The following NDUFAF5 variants were observed in gnomAD, a reference collection of about 807,000 sequenced individuals.
NDUFAF5 encodes the protein NADH:ubiquinone oxidoreductase complex assembly factor 5, also known as arginine-hydroxylase NDUFAF5, mitochondrial.
Under a neutral mutation model 48.9 loss-of-function variants are expected in NDUFAF5, and 34 were observed. The ratio of observed to expected loss-of-function variants is 0.70; its 90% CI spans 0.53 to 0.93. The LOEUF (loss-of-function observed/expected upper bound fraction) is 0.93. NDUFAF5 is among the 40% of genes least tolerant of loss of function. NDUFAF5 has a pLI of 0.00. For missense variants in NDUFAF5, 428 were observed against 427.5 expected (o/e 1.00, Z -0.01); for synonymous variants, 153 against 150.6 (o/e 1.02, Z -0.12).
At chr20:13,795,074 C>T (rs1391142274) in intron 5 of NDUFAF5, 133 bp downstream of exon 5, 1 of 683,124 alleles carries the variant, frequency 1.5e-6, no homozygotes, top group African/African-American at 1.8e-5. Flanking sequence ...GAGTGAATCT[C>T]TTGAGGTCAG....
At chr20:13,814,737 C>G (rs1986266795) in intron 8 of NDUFAF5, among the ~76,000 whole-genome samples, 1 of 152,128 alleles carries the variant, frequency 6.6e-6, no homozygotes, top group Non-Finnish European at 1.5e-5. Flanking sequence ...TAGAGGTCCC[C>G]CATGATGCAT....
At position 13,817,805 on chromosome 20, in the gene NDUFAF5, A is replaced by G; in HGVS notation, c.*595A>G. On this transcript the variant is annotated 3_prime_UTR_variant, in exon 11 of 11. Coordinates refer to ENST00000378106, the MANE Select transcript of NDUFAF5 (RefSeq NM_024120.5). ...GAATCACATGTAACAGTCTCTGCACAGTCATCAGTTTATTGTTAAGCTTTC... is the reference window on the plus strand; with the variant it reads ...GAATCACATGTAACAGTCTCTGCACGGTCATCAGTTTATTGTTAAGCTTTC... 2 of 216,352 alleles carry G rather than the reference A, an allele frequency of 9.2e-6. No individual in the cohort carries two copies. Among genetic ancestry groups the G allele is most frequent in the South Asian group, 6.0e-5 (2 of 33,062 alleles). 13.4% of individuals were successfully genotyped at this position (216,352 alleles called of 1,614,324 possible).
intron 4 of NDUFAF5, 72 bp downstream of exon 4, chr20:13,793,299 T>C (rs1326502365): frequency 1.6e-6 from 2 of 1,285,496 alleles, no homozygotes; most frequent in Admixed American, 1.7e-5. Flanking sequence ...TCTTTATTTT[T>C]ATTTCCTTCA....
At chr20:13,803,027 T>C (rs1568768238) in intron 7 of NDUFAF5, 1 of 152,366 alleles carries the variant, frequency 6.6e-6, no homozygotes. Context: ...AGCATCTTGC[T>C]ACATAATTAG....
At chr20:13,786,388 A>T (rs1407340651) in intron 1 of NDUFAF5, among the ~76,000 whole-genome samples, 1 of 152,228 alleles carries the variant, frequency 6.6e-6, no homozygotes, top group East Asian at 1.9e-4. Context: ...TCGTGTACTT[A>T]GAAGATGTGC....
Position 13,817,337 on chromosome 20 carries a change from A to G in NDUFAF5, c.*127A>G. 2 of 797,186 alleles carry G rather than the reference A, an allele frequency of 2.5e-6. No homozygotes were observed. Among genetic ancestry groups the G allele is most frequent in the Non-Finnish European group, 4.4e-6 (2 of 450,358 alleles). 49.4% of individuals were successfully genotyped at this position (797,186 alleles called of 1,614,324 possible). A position where few individuals can be genotyped will look rare whatever the true frequency, so the allele number is the denominator to read the frequency against. On this transcript the variant is annotated 3_prime_UTR_variant, in exon 11 of 11. Coordinates refer to ENST00000378106, the MANE Select transcript of NDUFAF5 (RefSeq NM_024120.5). ...TTACTAATAGGCTTTTCATATAATT[A>G]GGAAAACCTAATATCACATCTATAG...
At chr20:13,790,801 G>A (rs1188842952) in intron 3 of NDUFAF5, among the ~76,000 whole-genome samples, 1 of 152,128 alleles carries the variant, frequency 6.6e-6, no homozygotes, top group Admixed American at 6.6e-5. Context: ...CTTCCCCAAG[G>A]TATCTGTGTG....
Position 13,817,688 on chromosome 20 carries a change from T to G in NDUFAF5, c.*478T>G, listed in dbSNP as rs749909131. The G allele has an allele frequency of 2.2e-6, 1 of 454,152 alleles. No homozygotes were observed. Among genetic ancestry groups the G allele is most frequent in the Non-Finnish European group, 4.4e-6 (1 of 226,824 alleles). 28.1% of individuals were successfully genotyped at this position (454,152 alleles called of 1,614,324 possible). On this transcript the variant is annotated 3_prime_UTR_variant, in exon 11 of 11. Coordinates refer to ENST00000378106, the MANE Select transcript of NDUFAF5 (RefSeq NM_024120.5). ...GCATCTGAATTTAACCTTATTTCTT[T>G]TTTATCTCCATGGTGTGGGTGGGAC...
intron 8 of NDUFAF5, among the ~76,000 whole-genome samples, chr20:13,815,387 TTGA>T (rs953602533): frequency 7.8e-4 from 119 of 152,244 alleles, no homozygotes; most frequent in African/African-American, 2.8e-3. Context: ...CACCTTTTTC[TTGA>T]TGATAATTAA....
intron 3 of NDUFAF5, among the ~76,000 whole-genome samples, chr20:13,790,451 C>T (rs891885110): frequency 1.3e-5 from 2 of 152,194 alleles, no homozygotes. Context: ...GTCTTCTTGC[C>T]ACCTTCCCCA....
At chr20:13,794,984 C>T (rs764590156) in intron 5 of NDUFAF5, 43 bp downstream of exon 5, 3 of 1,353,204 alleles carry the variant, frequency 2.2e-6, no homozygotes, top group Non-Finnish European at 3.2e-6. Flanking sequence ...ATAAACAGAT[C>T]ATTCTTGCCA....
At chr20:13,803,689 T>C (rs1984555258) in intron 7 of NDUFAF5, among the ~76,000 whole-genome samples, 2 of 152,248 alleles carry the variant, frequency 1.3e-5, no homozygotes, top group Admixed American at 1.3e-4. Flanking sequence ...ACATTAAAAC[T>C]GAATTTGTTT....
intron 7 of NDUFAF5, among the ~76,000 whole-genome samples, chr20:13,804,051 G>A (rs1436495313): frequency 2.0e-5 from 3 of 152,174 alleles, no homozygotes; most frequent in Non-Finnish European, 4.4e-5. Context: ...CTCCCAAAGT[G>A]CTGGGATTAC....
At chr20:13,788,916 C>G (rs1568745289) in intron 3 of NDUFAF5, among the ~76,000 whole-genome samples, 2 of 151,722 alleles carry the variant, frequency 1.3e-5, no homozygotes, top group East Asian at 3.9e-4. Context: ...ATATATTTCT[C>G]TTTGTTCACA....
intron 5 of NDUFAF5, among the ~76,000 whole-genome samples, chr20:13,797,786 A>C (rs949024141): frequency 1.7e-4 from 26 of 152,222 alleles, no homozygotes; most frequent in African/African-American, 6.3e-4. Context: ...ACAAATATAC[A>C]CTCTGGAGAT....
chr20:13,798,309 T>A, intron 5 of NDUFAF5, 152 bp from the exon 6 acceptor site: 2 of 681,578 alleles, frequency 2.9e-6, no homozygotes, highest in East Asian at 5.4e-5. Context: ...TTTATAATTT[T>A]AAAACCTGTA....
chr20:13,806,464 G>A (rs1264683193), intron 7 of NDUFAF5, among the ~76,000 whole-genome samples: 1 of 152,018 alleles, frequency 6.6e-6, no homozygotes, highest in African/African-American at 2.4e-5. Flanking sequence ...AGCCGAGATC[G>A]CACCACTGCA....
chr20:13,786,028 TCAA>T (rs1981036373), intron 1 of NDUFAF5, among the ~76,000 whole-genome samples: 1 of 152,198 alleles, frequency 6.6e-6, no homozygotes, highest in Admixed American at 6.5e-5. Context: ...TTTAGGAAGA[TCAA>T]ATTAAGATTT....
chr20:13,795,616 C>G (rs1013874993), intron 5 of NDUFAF5, among the ~76,000 whole-genome samples: 2 of 152,102 alleles, frequency 1.3e-5, no homozygotes, highest in South Asian at 4.1e-4. Context: ...CCCAGGAGTT[C>G]GAGACCAGCC....
Sources: gnomAD v4.1 joint callset for allele counts (sites outside exome capture counted in the v4.1 genomes callset) on GRCh38, gnomAD v4.1.1 for gene constraint, MANE v1.5 for transcripts, NCBI Gene and HGNC (gene_info 2026-07-23, HGNC 2026-07-21) for gene names.